LARS2: variants seen among roughly 807,000 people sequenced by gnomAD.
The protein encoded by LARS2 is leucyl-tRNA synthetase 2, mitochondrial, also known as leucine--tRNA ligase, mitochondrial.
LARS2 carries 81 observed loss-of-function variants against 116.6 expected under a neutral mutation model. The observed-to-expected ratio is 0.69, with a 90% CI of 0.58 to 0.84. The LOEUF (loss-of-function observed/expected upper bound fraction) is 0.84. LARS2 is among the 40% of genes least tolerant of loss of function. The probability of loss-of-function intolerance (pLI) is 0.00; values close to 1 mark genes in which losing one functional copy is unlikely to be tolerated. For missense variants in LARS2, 968 were observed against 1,114.5 expected (o/e 0.87, Z 1.87); for synonymous variants, 396 against 407.2 (o/e 0.97, Z 0.33).
chr3:45,497,216 G>A (rs985999577), intron 14 of LARS2, among the ~76,000 whole-genome samples: 3 of 151,904 alleles, frequency 2.0e-5, no homozygotes, highest in Admixed American at 2.0e-4. Context: ...AATTGGGGCT[G>A]GAGACCACTG....
chr3:45,515,365 G>A (rs1700356716), intron 16 of LARS2, among the ~76,000 whole-genome samples: 3 of 152,202 alleles, frequency 2.0e-5, no homozygotes, highest in Admixed American at 2.0e-4. Context: ...TGGTCCCAGT[G>A]CTCAGCAACA....
At chr3:45,466,889 G>T (rs1249561621) in intron 8 of LARS2, among the ~76,000 whole-genome samples, 1 of 152,102 alleles carries the variant, frequency 6.6e-6, no homozygotes, top group East Asian at 1.9e-4. Context: ...GCTAATTTTT[G>T]TATTTTTAGT....
At chr3:45,399,252 T>C (rs907791923) in intron 3 of LARS2, among the ~76,000 whole-genome samples, 2 of 152,204 alleles carry the variant, frequency 1.3e-5, no homozygotes, top group Admixed American at 1.3e-4. Context: ...GGACCCAAAT[T>C]GGTACTTTAG....
At chr3:45,500,605 A>C in intron 15 of LARS2, 26 bp downstream of exon 15, 1 of 1,503,356 alleles carries the variant, frequency 6.7e-7, no homozygotes, top group South Asian at 1.3e-5. Flanking sequence ...GCTTTGCAAA[A>C]TAATTGAGTT....
chr3:45,422,080 A>T (rs1223567462), intron 6 of LARS2: 4 of 152,234 alleles, frequency 2.6e-5, no homozygotes, highest in Admixed American at 6.5e-5. Context: ...TTATTTCCTT[A>T]AAATGAATTC....
At position 45,462,161 on chromosome 3, in the gene LARS2, C is replaced by T. The variant is rs565141014; in HGVS notation, c.750+3275C>T. Among the ~76,000 whole-genome samples, 8 of 152,254 alleles carry T rather than the reference C, an allele frequency of 5.3e-5. 1 individual carries two copies. In the South Asian group the frequency reaches 1.0e-3, roughly 20 times the overall value. On this transcript the variant is annotated intron_variant, in intron 8 of 21. Coordinates refer to ENST00000645846, the MANE Select transcript of LARS2 (RefSeq NM_015340.4). ...ATGGGAAATTACTGTACCCACATAACAGGCTGCCAAGACTGAACTGGGATA... is the reference window on the plus strand; with the variant it reads ...ATGGGAAATTACTGTACCCACATAATAGGCTGCCAAGACTGAACTGGGATA...
chr3:45,524,054 C>T lies in LARS2; in HGVS notation c.2350C>T (p.Leu784=), dbSNP rs1238409996. The T allele has an allele frequency of 2.5e-6, 4 of 1,613,892 alleles. No individual in the cohort carries two copies. The African/African-American group carries it at 5.3e-5, about 22-fold the overall frequency. Residue 784 remains leucine, a synonymous_variant, in exon 20 of 22, where the codon CTG becomes TTG. Coordinates refer to ENST00000645846, the MANE Select transcript of LARS2 (RefSeq NM_015340.4). ...CGAGTTTGAGGATGCTTTGTGTGCC[C>T]TGATGGTAATGGCTGCTCCACTGGC... ...SPEFEDALCA[L]MVMAAPLAPH... is the part of the protein sequence containing the mutation.
Position 45,491,717 on chromosome 3 carries a change from C to A in LARS2, c.1440C>A (p.Thr480=), listed in dbSNP as rs1316388047. The stretch of plus-strand genomic sequence containing the variant: ...TGCCCCTGGAGGACTTGCCTGTGAC[C>A]CTGCCCAACATCGCGTCTTTCACTG... ...TPVPLEDLPV[T]LPNIASFTGK... is the part of the protein sequence containing the mutation. Residue 480 remains threonine (T), a synonymous_variant, in exon 13 of 22, where the codon ACC becomes ACA. Transcript: ENST00000645846. 2 of 1,613,828 alleles carry A rather than the reference C, an allele frequency of 1.2e-6. No homozygotes were observed. The highest frequency in any genetic ancestry group is 1.7e-6 in the Non-Finnish European group (2 of 1,179,740).
intron 12 of LARS2, among the ~76,000 whole-genome samples, chr3:45,491,175 A>G (rs1490126483): frequency 1.3e-5 from 2 of 152,220 alleles, no homozygotes; most frequent in African/African-American, 4.8e-5. Context: ...GACACATTAG[A>G]CACAGTAGAC....
intron 15 of LARS2, among the ~76,000 whole-genome samples, chr3:45,504,576 A>G (rs1291729257): frequency 1.3e-5 from 2 of 151,964 alleles, no homozygotes; most frequent in African/African-American, 4.8e-5. Flanking sequence ...ATTACTCCTC[A>G]CATAAACAAA....
chr3:45,537,549 G>T (rs1342516525), intron 20 of LARS2, among the ~76,000 whole-genome samples: 1 of 152,230 alleles, frequency 6.6e-6, no homozygotes, highest in African/African-American at 2.4e-5. Flanking sequence ...GTGCTGTGTA[G>T]ATGTTGCTGT....
At chr3:45,544,990 C>T (rs1442889043) in intron 21 of LARS2, among the ~76,000 whole-genome samples, 1 of 152,044 alleles carries the variant, frequency 6.6e-6, no homozygotes, top group East Asian at 1.9e-4. Flanking sequence ...GCCAGACACC[C>T]CTCAGAGGAC....
At chr3:45,514,030 AC>A (rs1700333547) in intron 16 of LARS2, among the ~76,000 whole-genome samples, 1 of 152,070 alleles carries the variant, frequency 6.6e-6, no homozygotes, top group Non-Finnish European at 1.5e-5. Context: ...ACATGGTGAA[AC>A]CCCGTCTCTA....
At chr3:45,471,362 A>G (rs1365283299) in intron 8 of LARS2, among the ~76,000 whole-genome samples, 2 of 152,196 alleles carry the variant, frequency 1.3e-5, no homozygotes, top group Non-Finnish European at 2.9e-5. Context: ...GTTTTTCACA[A>G]TATTCATAGA....
chr3:45,484,539 G>T (rs1433141129), intron 10 of LARS2, among the ~76,000 whole-genome samples: 9 of 137,508 alleles, frequency 6.5e-5, no homozygotes, highest in Non-Finnish European at 1.2e-4. Context: ...TCTGAGGTGG[G>T]AGTATCACTT....
intron 9 of LARS2, 48 bp downstream of exon 9, chr3:45,474,398 C>G: frequency 7.8e-7 from 1 of 1,275,162 alleles, no homozygotes. Flanking sequence ...CAAATCTCCT[C>G]TACATTTGGG....
intron 11 of LARS2, among the ~76,000 whole-genome samples, chr3:45,488,236 C>T (rs573501669): frequency 6.6e-6 from 1 of 152,206 alleles, no homozygotes; most frequent in African/African-American, 2.4e-5. Context: ...AGTTTGAGAC[C>T]AGTCTGGTCA....
intron 4 of LARS2, among the ~76,000 whole-genome samples, chr3:45,407,525 T>C (rs552080138): frequency 6.6e-6 from 1 of 152,350 alleles, no homozygotes; most frequent in South Asian, 2.1e-4. Flanking sequence ...ATTTGGTTTT[T>C]ATAATCTGAA....
intron 6 of LARS2, among the ~76,000 whole-genome samples, chr3:45,441,020 ACT>A (rs1698898294): frequency 8.6e-6 from 1 of 116,550 alleles, no homozygotes; most frequent in African/African-American, 3.1e-5. Flanking sequence ...GCCATCACAC[ACT>A]CTTTTTTTTT....
Sources: gnomAD v4.1 joint callset for allele counts (sites outside exome capture counted in the v4.1 genomes callset) on GRCh38, gnomAD v4.1.1 for gene constraint, MANE v1.5 for transcripts, NCBI Gene and HGNC (gene_info 2026-07-23, HGNC 2026-07-21) for gene names.